MFSD8: variants seen among roughly 807,000 people sequenced by gnomAD.
MFSD8 encodes the protein major facilitator superfamily domain-containing protein 8.
A neutral mutation model predicts 66.4 loss-of-function variants in MFSD8; 55 were observed. The observed-to-expected ratio is 0.83, with a 90% CI of 0.67 to 1.04. The LOEUF is 1.04. Among genes scored for constraint, MFSD8 ranks in the 50% least tolerant of loss-of-function variants. The pLI is 0.00. For missense variants in MFSD8, 550 were observed against 627.6 expected, an observed-to-expected ratio of 0.88 and a Z score of 1.32; for synonymous variants, 202 against 212.8, an observed-to-expected ratio of 0.95 and a Z score of 0.44.
intron 11 of MFSD8, chr4:127,921,167 A>G: frequency 1.8e-6 from 1 of 561,078 alleles, no homozygotes. Context: ...ATCATTTGTA[A>G]TGTTCACAAG....
intron 9 of MFSD8, among the ~76,000 whole-genome samples, chr4:127,925,128 C>T (rs569598411): frequency 6.6e-6 from 1 of 152,254 alleles, no homozygotes; most frequent in East Asian, 1.9e-4. Context: ...GGACCTAAAA[C>T]CATAAAAACC....
intron 3 of MFSD8, among the ~76,000 whole-genome samples, chr4:127,947,183 C>T (rs1234119466): frequency 6.6e-6 from 1 of 151,752 alleles, no homozygotes; most frequent in Non-Finnish European, 1.5e-5. Context: ...TGAGGTCAGG[C>T]GTTCGAGATC....
chr4:127,920,554 C>T lies in MFSD8; in HGVS notation c.*76G>A. The T allele has an allele frequency of 1.4e-6, 2 of 1,431,922 alleles. No individual in the cohort carries two copies. The highest frequency in any genetic ancestry group is 2.0e-6 in the Non-Finnish European group (2 of 1,019,046). The allele number at this position is 1,431,922 out of a possible 1,614,324, so 88.7% of individuals were successfully genotyped here. A position where few individuals can be genotyped will look rare whatever the true frequency, so the allele number is the denominator to read the frequency against. ...GTAGTCTGATTCTTGGAGACTGGCT[C>T]ACCGCAATTGTCTAGCAGAGCTTTA... On this transcript the variant is annotated 3_prime_UTR_variant, in exon 12 of 12. Coordinates refer to ENST00000641686, the MANE Select transcript of MFSD8 (RefSeq NM_001371596.2).
At chr4:127,947,682 GGAGAGCAAAAGAAAGATGGA>G (rs1269569981) in intron 3 of MFSD8, among the ~76,000 whole-genome samples, 1 of 151,946 alleles carries the variant, frequency 6.6e-6, no homozygotes, top group East Asian at 1.9e-4. Flanking sequence ...AGGAGAAAGG[GGAGAGCAAAAGAAAGATGGA>G]GAGAGGAAAA....
At chr4:127,947,245 C>T (rs1460632277) in intron 3 of MFSD8, among the ~76,000 whole-genome samples, 1 of 151,918 alleles carries the variant, frequency 6.6e-6, no homozygotes, top group African/African-American at 2.4e-5. Context: ...TAAAAATTAG[C>T]CAGGAATGGT....
At chr4:127,935,629 A>G (rs1170948495) in intron 7 of MFSD8, among the ~76,000 whole-genome samples, 1 of 152,132 alleles carries the variant, frequency 6.6e-6, no homozygotes, top group Non-Finnish European at 1.5e-5. Flanking sequence ...GTAACTAGAA[A>G]TCTCATAAAA....
At position 127,950,818 on chromosome 4, in the gene MFSD8, A is replaced by T. The variant is rs185356705; in HGVS notation, c.155-971T>A. On this transcript the variant is annotated intron_variant, in intron 2 of 11. Transcript: ENST00000641686. ...CACGCCTGTAATCCCAGAACTCTGG[A>T]AGGCCGAGGTGGGTGAATCACTTGA... is the stretch of plus-strand genomic sequence containing the variant. Among the ~76,000 whole-genome samples the T allele has an allele frequency of 3.0e-3, 456 of 151,942 alleles. 4 individuals are homozygous for T. Among genetic ancestry groups the T allele is most frequent in the African/African-American group, 0.011 (439 of 41,480 alleles).
chr4:127,950,923 T>C (rs1467986951), intron 2 of MFSD8, among the ~76,000 whole-genome samples: 2 of 151,056 alleles, frequency 1.3e-5, no homozygotes, highest in East Asian at 2.0e-4. Context: ...TAGCTGGGCA[T>C]GGTAGCGCAT....
chr4:127,964,993 C>G, intron 1 of MFSD8, 79 bp downstream of exon 1: 2 of 1,536,216 alleles, frequency 1.3e-6, no homozygotes, highest in Non-Finnish European at 1.8e-6. Context: ...GGGTTTGTCC[C>G]AGTGCGGGTG....
chr4:127,930,572 G>A (rs566847859), intron 9 of MFSD8, 111 bp downstream of exon 9: 4 of 1,214,158 alleles, frequency 3.3e-6, no homozygotes, highest in Admixed American at 2.3e-5. Flanking sequence ...GTAAATTTGT[G>A]TGCAAAAAAA....
At chr4:127,922,197 C>G (rs147038685) in intron 9 of MFSD8, among the ~76,000 whole-genome samples, 94 of 152,236 alleles carry the variant, frequency 6.2e-4, no homozygotes, top group African/African-American at 2.1e-3. Flanking sequence ...CAGCAAAAAG[C>G]ACAGAAGTTA....
chr4:127,956,318 C>A (rs1158823100), intron 2 of MFSD8, among the ~76,000 whole-genome samples: 21 of 150,968 alleles, frequency 1.4e-4, no homozygotes, highest in Admixed American at 1.4e-3. Flanking sequence ...TCCCGGCTAA[C>A]ACAGTGAAAC....
In MFSD8 at chr4:127,943,973, G is replaced by A. The variant is rs377555060; in HGVS notation, c.218C>T (p.Thr73Ile). 9 of 1,614,052 alleles carry A rather than the reference G, an allele frequency of 5.6e-6. No homozygotes were observed. The highest frequency in any genetic ancestry group is 1.1e-5 in the South Asian group (1 of 91,094). ...YLQKIDPTAD[T>I]SFLGWVIASY... is the part of the protein sequence containing the mutation. The stretch of plus-strand genomic sequence containing the variant: ...AGCAATAACCCAGCCCAAAAAACTT[G>A]TATCAGCTGTCGGATCAATCTGCAG... The change falls in exon 4 of 12, where the codon ACA (threonine) becomes ATA (isoleucine). Residue 73 changes from threonine to isoleucine, a missense_variant. Physicochemically the swap from Thr to Ile is moderately conservative, Grantham distance 89. Coordinates refer to ENST00000641686, the MANE Select transcript of MFSD8 (RefSeq NM_001371596.2).
intron 3 of MFSD8, among the ~76,000 whole-genome samples, 187 bp from the exon 4 acceptor site, chr4:127,944,179 T>C (rs1040215440): frequency 2.6e-5 from 4 of 152,322 alleles, no homozygotes; most frequent in African/African-American, 7.2e-5. Flanking sequence ...GTGCTAACAA[T>C]AGACTGTACA....
rs1161443165 is a variant in MFSD8, at chr4:127,920,173, TA to T, written c.*456del. 1.3e-5 allele frequency: 2 copies of T among 157,806 alleles called. No individual in the cohort carries two copies. Among genetic ancestry groups the T allele is most frequent in the African/African-American group, 4.8e-5 (2 of 41,422 alleles). The allele number at this position is 157,806 out of a possible 1,614,324, so 9.8% of individuals were successfully genotyped here. ...AATAGAAAATGCATTTTTTTATAAA[TA>T]AAAAGTAGGTGTCTGAATAAAAATA... On this transcript the variant is annotated 3_prime_UTR_variant, in exon 12 of 12. Transcript: ENST00000641686.
chr4:127,931,531 T>C (rs1357274204), intron 8 of MFSD8, among the ~76,000 whole-genome samples: 1 of 152,134 alleles, frequency 6.6e-6, no homozygotes, highest in Non-Finnish European at 1.5e-5. Flanking sequence ...TTAATTTTTG[T>C]ATTTTTAGTA....
Position 127,933,061 on chromosome 4 carries a change from T to C in MFSD8, c.787A>G (p.Asn263Asp), listed in dbSNP as rs374234685. The C allele has an allele frequency of 9.3e-6, 15 of 1,613,688 alleles. No individual in the cohort carries two copies. The highest frequency in any genetic ancestry group is 1.6e-4 in the Middle Eastern group (1 of 6,078). ...GCCACAACAGCAACCTGGTCAATAT[T>C]TCCTTGGGGAACCTGAGCTTCATCT... ...STDEAQVPQG[N>D]IDQVAVVAIN... The change falls in exon 8 of 12, where the codon AAT becomes GAT. Residue 263 changes from asparagine to aspartate, a missense_variant. Coordinates refer to ENST00000641686, the MANE Select transcript of MFSD8 (RefSeq NM_001371596.2).
At chr4:127,953,555 T>G (rs1292151555) in intron 2 of MFSD8, among the ~76,000 whole-genome samples, 22 of 137,216 alleles carry the variant, frequency 1.6e-4, no homozygotes, top group East Asian at 8.3e-4. Context: ...TTTTTTTTTT[T>G]TTTTTTTTTT....
chr4:127,943,889 C>G lies in MFSD8; in HGVS notation c.302G>C (p.Arg101Thr). 1.2e-6 allele frequency: 2 copies of G among 1,614,100 alleles called. No individual in the cohort carries two copies. The highest frequency in any genetic ancestry group is 1.7e-6 in the Non-Finnish European group (2 of 1,180,018). Residue 101 changes from arginine (R) to threonine (T), a missense_variant, in exon 4 of 12, where the codon AGA (arginine) becomes ACA (threonine). Transcript: ENST00000641686. ...SPIFGLWSNY[R>T]PRKEPLIVSI... is the part of the protein sequence containing the mutation. ...GACAATAAGAGGCTCTTTTCTTGGT[C>G]TATAATTAGACCATAAACCAAATAT...
Sources: allele counts gnomAD v4.1 joint callset (sites outside exome capture counted in the v4.1 genomes callset), GRCh38; gene constraint gnomAD v4.1.1; transcripts MANE v1.5; gene names NCBI Gene and HGNC (gene_info 2026-07-23, HGNC 2026-07-21).